NRXN1: variants seen among roughly 807,000 people sequenced by gnomAD.
NRXN1 encodes the protein neurexin-1.
NRXN1 carries 39 observed loss-of-function variants against 150.9 expected under a neutral mutation model. That is an observed-to-expected ratio of 0.26 (90% CI 0.20 to 0.34). The LOEUF is 0.34. Ranked by LOEUF, NRXN1 falls within the 10% of genes least tolerant of loss-of-function variation. NRXN1 has a pLI of 1.00. For synonymous variants in NRXN1, 924 were observed against 757.0 expected (o/e 1.22, Z -3.62); for missense variants, 1,815 against 1,949.9 (o/e 0.93, Z 1.30).
At chr2:50,929,717 C>T (rs937520480) in intron 2 of NRXN1, among the ~76,000 whole-genome samples, 15 of 152,144 alleles carry the variant, frequency 9.9e-5, no homozygotes, top group African/African-American at 3.1e-4. Context: ...CTTCTATCCA[C>T]GTCTCTCTCG....
chr2:50,864,104 A>G (rs1202588689), intron 5 of NRXN1, among the ~76,000 whole-genome samples: 3 of 152,042 alleles, frequency 2.0e-5, no homozygotes, highest in African/African-American at 7.2e-5. Flanking sequence ...AAAAGGTCTT[A>G]GGTTCCTTTG....
At chr2:50,650,370 T>A (rs1017573684) in intron 5 of NRXN1, among the ~76,000 whole-genome samples, 32 of 152,050 alleles carry the variant, frequency 2.1e-4, no homozygotes, top group African/African-American at 7.5e-4. Flanking sequence ...TCAACACAGT[T>A]CTGGAAGGAT....
chr2:50,477,729 A>G (rs1010096438), intron 15 of NRXN1, among the ~76,000 whole-genome samples: 36 of 152,200 alleles, frequency 2.4e-4, no homozygotes, highest in Admixed American at 2.3e-3. Context: ...TTGAATAGCT[A>G]AAACTCCAGG....
intron 14 of NRXN1, 27 bp from the exon 15 acceptor site, chr2:50,496,122 G>C: frequency 2.2e-5 from 33 of 1,527,424 alleles, no homozygotes; most frequent in Non-Finnish European, 2.9e-5. Flanking sequence ...AGAGGGGAAA[G>C]TGCCATCACT....
At chr2:50,283,295 T>A (rs1248160264) in intron 17 of NRXN1, among the ~76,000 whole-genome samples, 1 of 152,146 alleles carries the variant, frequency 6.6e-6, no homozygotes, top group African/African-American at 2.4e-5. Flanking sequence ...AAGACAATAA[T>A]CTTTCTTCAA....
At chr2:50,429,869 A>T (rs2084808784) in intron 17 of NRXN1, among the ~76,000 whole-genome samples, 1 of 152,164 alleles carries the variant, frequency 6.6e-6, no homozygotes, top group South Asian at 2.1e-4. Flanking sequence ...TATAGAACTA[A>T]AAAGTGATCA....
chr2:50,406,484 G>A lies in NRXN1; in HGVS notation c.3364+58958C>T, dbSNP rs192314540. 2.2e-3 allele frequency among the ~76,000 whole-genome samples: 333 copies of A among 152,134 alleles called. 1 individual carries two copies. The highest frequency in any genetic ancestry group is 7.5e-3 in the African/African-American group (310 of 41,520). On this transcript the variant is annotated intron_variant, in intron 17 of 22. Coordinates refer to ENST00000401669, the MANE Select transcript of NRXN1 (RefSeq NM_001330078.2). ...CACCCACACTCCACCCACCTTTAAT[G>A]ACCTCTACTTTCTAGTAAAAAACTT... is the stretch of plus-strand genomic sequence containing the variant.
intron 4 of NRXN1, 102 bp from the exon 5 acceptor site, chr2:50,921,982 C>T (rs772607312): frequency 1.8e-6 from 1 of 557,228 alleles, no homozygotes; most frequent in South Asian, 5.5e-5. Context: ...TGTAAAGCCA[C>T]TACTCTCTGA....
At position 49,919,970 on chromosome 2, in the gene NRXN1, T is replaced by G. The variant is rs535841595; in HGVS notation, c.*1974A>C. 3.6e-4 allele frequency: 55 copies of G among 152,302 alleles called. No individual in the cohort carries two copies. The highest frequency in any genetic ancestry group is 1.3e-3 in the African/African-American group (53 of 41,586). The allele number at this position is 152,302 out of a possible 1,614,324, so 9.4% of individuals were successfully genotyped here. On this transcript the variant is annotated 3_prime_UTR_variant, in exon 23 of 23. Coordinates refer to ENST00000401669, the MANE Select transcript of NRXN1 (RefSeq NM_001330078.2). ...ATTAAAGCTAATTGGAAAGATATTC[T>G]TCTCTTCTACAAAATTTTTTATCGT... is the stretch of plus-strand genomic sequence containing the variant.
intron 5 of NRXN1, among the ~76,000 whole-genome samples, chr2:50,882,063 A>G (rs1330632250): frequency 6.6e-6 from 1 of 151,904 alleles, no homozygotes; most frequent in Non-Finnish European, 1.5e-5. Context: ...ACAACCACTA[A>G]AAGGATATAT....
intron 17 of NRXN1, among the ~76,000 whole-genome samples, chr2:50,320,283 C>CATATAT (rs61282635): frequency 0.016 from 673 of 42,994 alleles, 57 homozygotes; most frequent in Middle Eastern, 0.029. Context: ...ATACCTCAAT[C>CATATAT]ATATATATAT....
chr2:50,879,036 G>A (rs1679035598), intron 5 of NRXN1, among the ~76,000 whole-genome samples: 1 of 151,912 alleles, frequency 6.6e-6, no homozygotes, highest in Non-Finnish European at 1.5e-5. Flanking sequence ...TCTAGATGTT[G>A]TAAAGGTACC....
intron 8 of NRXN1, among the ~76,000 whole-genome samples, chr2:50,614,660 A>T (rs899725891): frequency 7.7e-5 from 11 of 142,598 alleles, no homozygotes; most frequent in African/African-American, 2.3e-4. Flanking sequence ...TATATATATA[A>T]AATAAAAAAA....
At chr2:51,001,573 T>G (rs1700084068) in intron 2 of NRXN1, among the ~76,000 whole-genome samples, 1 of 152,008 alleles carries the variant, frequency 6.6e-6, no homozygotes, top group African/African-American at 2.4e-5. Context: ...CATACATTTT[T>G]CCACCTTTTA....
chr2:50,276,833 T>C (rs116142451), intron 17 of NRXN1, among the ~76,000 whole-genome samples: 1 of 152,248 alleles, frequency 6.6e-6, no homozygotes, highest in Non-Finnish European at 1.5e-5. Context: ...GACCCTTCAA[T>C]AGAGAACTTG....
chr2:50,508,134 G>T (rs960117581), intron 12 of NRXN1, among the ~76,000 whole-genome samples: 1 of 152,082 alleles, frequency 6.6e-6, no homozygotes, highest in Non-Finnish European at 1.5e-5. Flanking sequence ...TCTCTCTTAT[G>T]GTGCTACTAA....
intron 2 of NRXN1, among the ~76,000 whole-genome samples, chr2:50,980,774 A>G (rs886913915): frequency 1.3e-5 from 2 of 152,174 alleles, no homozygotes; most frequent in Admixed American, 1.3e-4. Context: ...TAAACCTATC[A>G]TTCCAGAGAG....
At chr2:50,615,379 C>A (rs1313048489) in intron 8 of NRXN1, 3 of 152,164 alleles carry the variant, frequency 2.0e-5, no homozygotes, top group South Asian at 2.1e-4. Flanking sequence ...ATTTAACACA[C>A]AGTCCTTTCC....
chr2:50,048,617 A>ATTCAAACAT (rs1692206259), intron 21 of NRXN1, among the ~76,000 whole-genome samples: 1 of 152,168 alleles, frequency 6.6e-6, no homozygotes, highest in South Asian at 2.1e-4. Flanking sequence ...TGTCCAATAT[A>ATTCAAACAT]TTCAAACATT....
Sources: gnomAD v4.1 joint callset for allele counts (sites outside exome capture counted in the v4.1 genomes callset) on GRCh38, gnomAD v4.1.1 for gene constraint, MANE v1.5 for transcripts, NCBI Gene and HGNC (gene_info 2026-07-23, HGNC 2026-07-21) for gene names.